The following CHN2 variants were observed in gnomAD, a reference collection of about 807,000 sequenced individuals.
CHN2 encodes the protein beta-chimaerin.
CHN2 carries 35 observed loss-of-function variants against 56.3 expected under a neutral mutation model. The observed-to-expected ratio is 0.62, with a 90% CI of 0.47 to 0.82. The LOEUF (loss-of-function observed/expected upper bound fraction) is 0.82. CHN2 is among the 40% of genes least tolerant of loss of function. The pLI, the probability that CHN2 is intolerant of heterozygous loss-of-function variation, is 0.00. For synonymous variants in CHN2, 210 were observed against 212.8 expected (o/e 0.99, Z 0.12); for missense variants, 491 against 580.5 (o/e 0.85, Z 1.58).
At chr7:29,256,785 A>G (rs1282466763) in intron 1 of CHN2, among the ~76,000 whole-genome samples, 2 of 152,078 alleles carry the variant, frequency 1.3e-5, no homozygotes, top group Non-Finnish European at 2.9e-5. Context: ...CAGGGAGCCA[A>G]TTCTATAGTA....
rs756617373 is a variant in CHN2, at chr7:29,499,866, G to A, written c.740-1G>A. On this transcript the variant is annotated splice_acceptor_variant, in intron 8 of 12. Coordinates refer to ENST00000222792, the MANE Select transcript of CHN2 (RefSeq NM_004067.4). LOFTEE classifies it high-confidence loss of function. ...GGCTAATGTGGCTTCTTTGTTTACAGACTGTGGATTGAACGTACACAAACA... is the reference window on the plus strand; with the variant it reads ...GGCTAATGTGGCTTCTTTGTTTACAAACTGTGGATTGAACGTACACAAACA... 6.3e-7 allele frequency: 1 copy of A among 1,583,202 alleles called. No individual in the cohort carries two copies. The highest frequency in any genetic ancestry group is 8.6e-7 in the Non-Finnish European group (1 of 1,167,384).
chr7:29,155,614 T>C (rs759630359), intron 2 of CHN2, among the ~76,000 whole-genome samples: 2 of 152,210 alleles, frequency 1.3e-5, no homozygotes. Context: ...CACCTCTTTG[T>C]CTAGCTGCCT....
At chr7:29,268,722 C>T (rs183756403) in intron 1 of CHN2, among the ~76,000 whole-genome samples, 3 of 152,160 alleles carry the variant, frequency 2.0e-5, no homozygotes, top group East Asian at 1.9e-4. Flanking sequence ...AGGCCCTGCA[C>T]GAGGCACAGC....
intron 1 of CHN2, among the ~76,000 whole-genome samples, chr7:29,277,024 G>A (rs371016298): frequency 6.6e-6 from 1 of 152,100 alleles, no homozygotes; most frequent in African/African-American, 2.4e-5. Flanking sequence ...GATTTAGTGG[G>A]TTACCACATG....
rs532994878 is a variant in CHN2, at chr7:29,400,514, G to A, written c.291-29G>A. On this transcript the variant is annotated intron_variant, in intron 5 of 12. Transcript: ENST00000222792. ...CCACACTGTGCTTATTTCTAACGTG[G>A]TTGTAATCCCTCATTCTCTCACGGG... The A allele has an allele frequency of 6.6e-5, 106 of 1,609,046 alleles. 1 individual carries two copies. In the South Asian group the frequency reaches 7.9e-4, roughly 12 times the overall value.
chr7:29,211,281 T>A (rs1224333552), intron 1 of CHN2, among the ~76,000 whole-genome samples: 1 of 151,718 alleles, frequency 6.6e-6, no homozygotes, highest in Non-Finnish European at 1.5e-5. Flanking sequence ...GGTTTCACCA[T>A]GTTAGCCGGG....
chr7:29,417,405 C>G (rs2007054), intron 6 of CHN2, among the ~76,000 whole-genome samples: 1,709 of 148,742 alleles, frequency 0.011, 59 homozygotes, highest in Admixed American at 0.069. Context: ...GCGCGATCTC[C>G]GCTCACTGCA....
chr7:29,378,512 T>TCA (rs942187557), intron 3 of CHN2, among the ~76,000 whole-genome samples: 1 of 152,236 alleles, frequency 6.6e-6, no homozygotes, highest in Non-Finnish European at 1.5e-5. Context: ...GCAGCAGTAC[T>TCA]CATTCTGTTA....
intron 6 of CHN2, among the ~76,000 whole-genome samples, chr7:29,451,133 C>A (rs1784376652): frequency 6.6e-6 from 1 of 152,120 alleles, no homozygotes; most frequent in Non-Finnish European, 1.5e-5. Context: ...CCCACCACCA[C>A]CACATTAACT....
At chr7:29,351,038 G>A (rs1797836882) in intron 1 of CHN2, among the ~76,000 whole-genome samples, 1 of 151,094 alleles carries the variant, frequency 6.6e-6, no homozygotes, top group Admixed American at 6.6e-5. Context: ...AACCTGGGAG[G>A]CGGAGGTTGC....
Position 29,492,702 on chromosome 7 carries a change from G to T in CHN2, c.655-3250G>T, listed in dbSNP as rs562659546. Among the ~76,000 whole-genome samples, 40 of 152,240 alleles carry T rather than the reference G, an allele frequency of 2.6e-4. 1 individual carries two copies. In the Middle Eastern group the frequency reaches 0.01, roughly 39 times the overall value. On this transcript the variant is annotated intron_variant, in intron 7 of 12. Coordinates refer to ENST00000222792, the MANE Select transcript of CHN2 (RefSeq NM_004067.4). ...ATAGCCAGCCTTCCTGATAGAGGAG[G>T]TACCCACATATTTCTCTACTTCCTT...
intron 1 of CHN2, among the ~76,000 whole-genome samples, chr7:29,342,261 T>C (rs1294898704): frequency 1.3e-5 from 2 of 152,086 alleles, no homozygotes; most frequent in African/African-American, 4.8e-5. Flanking sequence ...GATGGAGAGA[T>C]TATTCAGGAA....
intron 6 of CHN2, among the ~76,000 whole-genome samples, chr7:29,425,166 C>T (rs1804734642): frequency 6.6e-6 from 1 of 152,210 alleles, no homozygotes; most frequent in Non-Finnish European, 1.5e-5. Context: ...ATGAAAGACC[C>T]AGCCCCCCTG....
At chr7:29,458,377 G>GCACACATACA (rs1554296992) in intron 6 of CHN2, among the ~76,000 whole-genome samples, 155 of 136,016 alleles carry the variant, frequency 1.1e-3, no homozygotes, top group African/African-American at 2.8e-3. Flanking sequence ...GCATAGCTGT[G>GCACACATACA]CACACACACA....
At chr7:29,457,156 C>T (rs1447290242) in intron 6 of CHN2, among the ~76,000 whole-genome samples, 1 of 152,162 alleles carries the variant, frequency 6.6e-6, no homozygotes, top group African/African-American at 2.4e-5. Context: ...AACAAAGTGA[C>T]CACAACCAGT....
intron 6 of CHN2, among the ~76,000 whole-genome samples, chr7:29,416,114 C>A (rs1021358694): frequency 1.3e-5 from 2 of 152,178 alleles, no homozygotes; most frequent in Admixed American, 6.5e-5. Context: ...TTCTGCAAAG[C>A]CCTCTGCCAT....
At chr7:29,374,326 A>C (rs1799854765) in intron 3 of CHN2, among the ~76,000 whole-genome samples, 1 of 152,136 alleles carries the variant, frequency 6.6e-6, no homozygotes, top group South Asian at 2.1e-4. Flanking sequence ...TAGTAACACC[A>C]ATGTTAGAAA....
chr7:29,226,693 A>G (rs1786226028), intron 1 of CHN2, among the ~76,000 whole-genome samples: 1 of 152,206 alleles, frequency 6.6e-6, no homozygotes, highest in Admixed American at 6.5e-5. Context: ...CTATGCTATG[A>G]CTTTTCGAAT....
intron 1 of CHN2, among the ~76,000 whole-genome samples, chr7:29,242,059 AG>A (rs1787725793): frequency 1.3e-5 from 2 of 152,132 alleles, no homozygotes; most frequent in Admixed American, 1.3e-4. Flanking sequence ...CTCTATACAC[AG>A]GTGCATTTGT....
Sources: allele counts gnomAD v4.1 joint callset (sites outside exome capture counted in the v4.1 genomes callset), GRCh38; gene constraint gnomAD v4.1.1; transcripts MANE v1.5; gene names NCBI Gene and HGNC (gene_info 2026-07-23, HGNC 2026-07-21).